Variants in MATN4 observed in about 807,000 individuals in gnomAD.
The protein encoded by MATN4 is matrilin 4.
In MATN4, 40 loss-of-function variants were observed where a neutral mutation model predicts 54.6. The observed-to-expected ratio is 0.73, with a 90% CI of 0.57 to 0.95. MATN4 has a LOEUF of 0.95. MATN4 is among the 40% of genes least tolerant of loss of function. The probability of loss-of-function intolerance (pLI) is 0.00; values close to 1 mark genes in which losing one functional copy is unlikely to be tolerated. For missense variants in MATN4, 810 were observed against 819.1 expected (o/e 0.99, Z 0.13); for synonymous variants, 351 against 345.3 (o/e 1.02, Z -0.18).
chr20:45,306,714 C>G, intron 1 of MATN4: 1 of 409,060 alleles, frequency 2.4e-6, no homozygotes. Context: ...CCCGAGATGG[C>G]AGGGGGCGTG....
intron 1 of MATN4, among the ~76,000 whole-genome samples, chr20:45,307,579 C>T (rs1383562703): frequency 6.6e-6 from 1 of 152,196 alleles, no homozygotes; most frequent in Non-Finnish European, 1.5e-5. Flanking sequence ...CCGGAGATGC[C>T]TCTGGGCCCC....
intron 4 of MATN4, 48 bp downstream of exon 4, chr20:45,301,273 C>T (rs377221060): frequency 2.5e-5 from 38 of 1,510,418 alleles, no homozygotes; most frequent in Non-Finnish European, 3.1e-5. Flanking sequence ...TTGGAGCCCT[C>T]GGAGGCCACA....
At position 45,308,176 on chromosome 20, in the gene MATN4, T is replaced by C; in HGVS notation, c.-36A>G. 6.2e-7 allele frequency: 1 copy of C among 1,613,982 alleles called. No homozygotes were observed. The highest frequency in any genetic ancestry group is 8.5e-7 in the Non-Finnish European group (1 of 1,179,846). ...GTGCCTCCCAATCCTTTGACTCACC[T>C]GAGCCTGCAGGACAGATCAGAGATG... On this transcript the variant is annotated splice_region_variant and 5_prime_UTR_variant, in exon 1 of 10. Coordinates refer to ENST00000372756, the MANE Select transcript of MATN4 (RefSeq NM_001393530.1).
Position 45,298,512 on chromosome 20 carries a change from C to T in MATN4, c.1084G>A (p.Glu362Lys). Reference sequence around the variant, plus strand: ...TGGTTCACGAAGCGCTTCACTAGCTCGAAGTTTTGTGGACGCACGCTCTTG... The same window carrying T: ...TGGTTCACGAAGCGCTTCACTAGCTTGAAGTTTTGTGGACGCACGCTCTTG... Reference protein sequence around the residue: ...GSKSVRPQNFELVKRFVNQIV... With the variant: ...GSKSVRPQNFKLVKRFVNQIV... Residue 362 changes from glutamate to lysine, a missense_variant, in exon 7 of 10, where the codon GAG becomes AAG. By Grantham distance (56) the Glu-to-Lys change is moderately conservative (BLOSUM62 1). Transcript: ENST00000372756. The surrounding 1 kb of genome is among the most constrained non-coding windows in gnomAD (Gnocchi z 4.6). 1 of 1,612,204 alleles carries T rather than the reference C, an allele frequency of 6.2e-7. No homozygotes were observed. The highest frequency in any genetic ancestry group is 8.5e-7 in the Non-Finnish European group (1 of 1,178,986).
rs777912605 is a variant in MATN4 at position 45,306,877 on chromosome 20, C to T, written c.-34-1261G>A. On this transcript the variant is annotated intron_variant, in intron 1 of 9. Transcript: ENST00000372756. ...GTTCCAGCGACAGCAGCACTGGACTCGTCCAGAGGGCGGCGGGTGAGCGGC... is the reference window on the plus strand; with the variant it reads ...GTTCCAGCGACAGCAGCACTGGACTTGTCCAGAGGGCGGCGGGTGAGCGGC... 15 of 1,249,288 alleles carry T rather than the reference C, an allele frequency of 1.2e-5. No homozygotes were observed. In the African/African-American group the frequency reaches 1.2e-4, roughly 10 times the overall value. The allele number at this position is 1,249,288 out of a possible 1,614,324, so 77.4% of individuals were successfully genotyped here. A position where few individuals can be genotyped will look rare whatever the true frequency, so the allele number is the denominator to read the frequency against.
chr20:45,298,621 T>C lies in MATN4; in HGVS notation c.1013-38A>G, dbSNP rs761416591. On this transcript the variant is annotated intron_variant, in intron 6 of 9. Coordinates refer to ENST00000372756, the MANE Select transcript of MATN4 (RefSeq NM_001393530.1). The surrounding 1 kb of genome is among the most constrained non-coding windows in gnomAD (Gnocchi z 4.6). ...AAAAGCTTGAATTGAGGGACCAGAT[T>C]CTGGACTGGCAGCAGCTGTCTATCC... 1 of 1,490,048 alleles carries C rather than the reference T, an allele frequency of 6.7e-7. No individual in the cohort carries two copies. Among genetic ancestry groups the C allele is most frequent in the Non-Finnish European group, 9.0e-7 (1 of 1,111,426 alleles). 92.3% of individuals were successfully genotyped at this position (1,490,048 alleles called of 1,614,324 possible).
At chr20:45,296,797 A>C (rs866436924) in intron 8 of MATN4, among the ~76,000 whole-genome samples, 127 of 152,082 alleles carry the variant, frequency 8.4e-4, no homozygotes, top group African/African-American at 2.9e-3. Context: ...GTGTATATAC[A>C]TGCACGTGCA....
rs1021576926 is a variant in MATN4, at chr20:45,305,586, G to A, written c.-4C>T. On this transcript the variant is annotated 5_prime_UTR_variant, in exon 2 of 10. Coordinates refer to ENST00000372756, the MANE Select transcript of MATN4 (RefSeq NM_001393530.1). ...GCCAGCAAAGAAGGCCTCTCATGGC[G>A]CTTGGGGACAGAGAATGGAGGTGTC... 1.7e-5 allele frequency: 27 copies of A among 1,556,766 alleles called. No homozygotes were observed. Among genetic ancestry groups the A allele is most frequent in the East Asian group, 7.2e-5 (3 of 41,382 alleles).
In MATN4 at chr20:45,298,541, C is replaced by T; in HGVS notation, c.1055G>A (p.Gly352Asp). The change falls in exon 7 of 10, where the codon GGC becomes GAC. Residue 352 changes from glycine (G) to aspartate (D), a missense_variant. Coordinates refer to ENST00000372756, the MANE Select transcript of MATN4 (RefSeq NM_001393530.1). The surrounding 1 kb of genome is among the most constrained non-coding windows in gnomAD (Gnocchi z 4.6). ...GHVDLVLLVD[G>D]SKSVRPQNFE... ...GTTTTGTGGACGCACGCTCTTGGAG[C>T]CATCAACCAGCAGAACAAGGTCCAC... 8 of 1,593,746 alleles carry T rather than the reference C, an allele frequency of 5.0e-6. No individual in the cohort carries two copies. The highest frequency in any genetic ancestry group is 6.9e-6 in the Non-Finnish European group (8 of 1,166,636).
At chr20:45,303,910 G>C (rs1412578853) in intron 3 of MATN4, among the ~76,000 whole-genome samples, 2 of 152,212 alleles carry the variant, frequency 1.3e-5, no homozygotes, top group Non-Finnish European at 2.9e-5. Context: ...GGAGGGCCAC[G>C]ACTCTTTGGA....
intron 3 of MATN4, among the ~76,000 whole-genome samples, chr20:45,302,745 C>G (rs1328652667): frequency 1.3e-5 from 2 of 151,992 alleles, no homozygotes; most frequent in Non-Finnish European, 2.9e-5. Context: ...TTGAAGACCC[C>G]CCAACAGTAT....
At position 45,296,463 on chromosome 20, in the gene MATN4, G is replaced by A. The variant is rs1433349959; in HGVS notation, c.1579+1455C>T. ...CAAAGACCCCTAACTTCACAGATTT[G>A]TTTCTCTAAACAAAGGGTTGGAGAC... On this transcript the variant is annotated intron_variant, in intron 8 of 9. Coordinates refer to ENST00000372756, the MANE Select transcript of MATN4 (RefSeq NM_001393530.1). Among the ~76,000 whole-genome samples, 6 of 152,204 alleles carry A rather than the reference G, an allele frequency of 3.9e-5. No homozygotes were observed. In the East Asian group the frequency reaches 1.2e-3, roughly 29 times the overall value.
At position 45,304,295 on chromosome 20, in the gene MATN4, G is replaced by T; in HGVS notation, c.576C>A (p.His192Gln). 1 of 1,550,366 alleles carries T rather than the reference G, an allele frequency of 6.5e-7. No homozygotes were observed. Residue 192 changes from histidine to glutamine, a missense_variant, in exon 3 of 10, where the codon CAC (histidine) becomes CAA (glutamine). Physicochemically the swap from His to Gln is conservative, Grantham distance 24. Transcript: ENST00000372756. ...RAMASPPLDE[H>Q]VFLVESFDLI... Reference sequence around the variant, plus strand: ...GGTCGAAGGACTCTACGAGGAAGACGTGCTCGTCTAGCGGGGGCGATGCCA... The same window carrying T: ...GGTCGAAGGACTCTACGAGGAAGACTTGCTCGTCTAGCGGGGGCGATGCCA...
intron 8 of MATN4, among the ~76,000 whole-genome samples, chr20:45,297,533 G>A (rs1258350446): frequency 1.3e-5 from 2 of 152,114 alleles, no homozygotes; most frequent in African/African-American, 4.8e-5. Context: ...AGGGATATAT[G>A]CTGTGGCTCC....
chr20:45,305,805 C>CTATTTTTTTTTTTTTTTTTTTTT (rs1986593667), intron 1 of MATN4, among the ~76,000 whole-genome samples, 189 bp from the exon 2 acceptor site: 1 of 64,676 alleles, frequency 1.5e-5, no homozygotes, highest in African/African-American at 6.5e-5. Context: ...ACAAGAGATT[C>CTATTTTTTTTTTTTTTTTTTTTT]TTTTTTTTTT....
intron 6 of MATN4, among the ~76,000 whole-genome samples, chr20:45,299,722 A>G (rs1363736804): frequency 6.6e-6 from 1 of 151,894 alleles, no homozygotes; most frequent in African/African-American, 2.4e-5. Context: ...CACTAAAAAT[A>G]CAAAAATTAG....
At chr20:45,306,084 C>A (rs1986645073) in intron 1 of MATN4, among the ~76,000 whole-genome samples, 1 of 151,770 alleles carries the variant, frequency 6.6e-6, no homozygotes, top group Non-Finnish European at 1.5e-5. Flanking sequence ...GGATTACAGG[C>A]GTGAGCCACC....
intron 3 of MATN4, among the ~76,000 whole-genome samples, chr20:45,303,714 G>A (rs1315084099): frequency 1.3e-5 from 2 of 152,228 alleles, no homozygotes; most frequent in Non-Finnish European, 2.9e-5. Flanking sequence ...AGTAGGCTCA[G>A]AAGAGGAGAC....
upstream of MATN4, chr20:45,308,560 G>C: frequency 2.4e-6 from 1 of 409,654 alleles, no homozygotes; most frequent in Admixed American, 3.6e-5. Flanking sequence ...AAGCTTAGAA[G>C]GCACTTCCCT....
Sources: gnomAD v4.1 joint callset for allele counts (sites outside exome capture counted in the v4.1 genomes callset) on GRCh38, gnomAD v4.1.1 for gene constraint, Gnocchi (gnomAD v3.1) non-coding constraint, MANE v1.5 for transcripts, NCBI Gene and HGNC (gene_info 2026-07-23, HGNC 2026-07-21) for gene names.